Variants in USO1 observed in about 807,000 individuals in gnomAD.
USO1 encodes USO1 vesicle transport factor.
Under a neutral mutation model 124.5 loss-of-function variants are expected in USO1, and 57 were observed. That is an observed-to-expected ratio of 0.46 (90% CI 0.37 to 0.57). USO1 has a LOEUF of 0.57. Ranked by LOEUF, USO1 falls within the 20% of genes least tolerant of loss-of-function variation. The pLI is 0.00. For missense variants in USO1, 900 were observed against 1,040.6 expected, an observed-to-expected ratio of 0.86 and a Z score of 1.86; for synonymous variants, 369 against 362.8, an observed-to-expected ratio of 1.02 and a Z score of -0.19.
rs1199099605 is a variant in USO1 at position 75,804,189 on chromosome 4, A to G, written c.2042A>G (p.Glu681Gly). 4 of 1,613,666 alleles carry G rather than the reference A, an allele frequency of 2.5e-6. No homozygotes were observed. The highest frequency in any genetic ancestry group is 3.4e-6 in the Non-Finnish European group (4 of 1,179,746). ...QQVSTLKCQN[E>G]QLQTAVTQQV... ...GTTTCTACATTAAAATGTCAAAATG[A>G]ACAGCTCCAGACGGCAGTCACACAG... The change falls in exon 18 of 24, where the codon GAA becomes GGA. Residue 681 changes from glutamate to glycine, a missense_variant. Glu to Gly is a moderately conservative substitution (Grantham distance 98, BLOSUM62 -2). Around this residue, in one of 2 missense-constraint regions of USO1, gnomAD observed 362 missense variants for 359.0 expected, o/e 1.01. Transcript: ENST00000514213.
At position 75,795,171 on chromosome 4, in the gene USO1, C is replaced by G. The variant is rs543983481; in HGVS notation, c.1452+1270C>G. ...AATATATAGCCTCTAAATGTATCCT[C>G]TAACTTTTTATTGTATAAAAGAAGT... On this transcript the variant is annotated intron_variant, in intron 13 of 23. Coordinates refer to ENST00000514213, the MANE Select transcript of USO1 (RefSeq NM_003715.4). Among the ~76,000 whole-genome samples the G allele has an allele frequency of 2.2e-3, 332 of 152,288 alleles. 1 individual carries two copies. Among genetic ancestry groups the G allele is most frequent in the Middle Eastern group, 3.4e-3 (1 of 292 alleles).
chr4:75,807,853 C>G (rs918723233), intron 20 of USO1, among the ~76,000 whole-genome samples: 5 of 151,686 alleles, frequency 3.3e-5, no homozygotes, highest in African/African-American at 1.2e-4. Flanking sequence ...TTTACTTTCT[C>G]CAGTTTATTT....
chr4:75,763,419 T>G (rs1396849314), intron 4 of USO1, among the ~76,000 whole-genome samples: 2 of 152,304 alleles, frequency 1.3e-5, no homozygotes, highest in East Asian at 3.9e-4. Context: ...TAAAATATGA[T>G]TTCTGTTATA....
chr4:75,799,872 AGTT>A (rs1264436946), intron 14 of USO1, 140 bp downstream of exon 14: 5 of 970,640 alleles, frequency 5.2e-6, no homozygotes, highest in Admixed American at 3.0e-5. Context: ...AAACTGTTAA[AGTT>A]GTTATGATGC....
At chr4:75,765,961 G>A (rs956734781) in intron 4 of USO1, among the ~76,000 whole-genome samples, 1 of 152,026 alleles carries the variant, frequency 6.6e-6, no homozygotes, top group African/African-American at 2.4e-5. Context: ...TACTTTTGGT[G>A]TTTGTTTTTT....
At chr4:75,796,418 C>T (rs1722683240) in intron 13 of USO1, among the ~76,000 whole-genome samples, 1 of 146,932 alleles carries the variant, frequency 6.8e-6, no homozygotes, top group Admixed American at 7.3e-5. Flanking sequence ...TCACCGCAAC[C>T]TCTGCCTTCT....
At chr4:75,741,001 C>T (rs1720943833) in intron 1 of USO1, among the ~76,000 whole-genome samples, 1 of 152,124 alleles carries the variant, frequency 6.6e-6, no homozygotes. Context: ...CTTGGTAGCT[C>T]AGTGTCGGGG....
intron 13 of USO1, among the ~76,000 whole-genome samples, chr4:75,799,417 C>A (rs1042219945): frequency 6.6e-6 from 1 of 152,084 alleles, no homozygotes; most frequent in Non-Finnish European, 1.5e-5. Flanking sequence ...GTTCTAATTT[C>A]TGCACTCTGT....
At chr4:75,742,015 G>GT (rs1720977181) in intron 1 of USO1, among the ~76,000 whole-genome samples, 1 of 152,154 alleles carries the variant, frequency 6.6e-6, no homozygotes, top group Non-Finnish European at 1.5e-5. Context: ...TTCAGGGGCA[G>GT]TAACATGCAA....
rs764566531 is a variant in USO1 at position 75,724,846 on chromosome 4, G to A, written c.27G>A (p.Gly9=). The A allele has an allele frequency of 1.9e-6, 3 of 1,613,852 alleles. No individual in the cohort carries two copies. The highest frequency in any genetic ancestry group is 2.5e-6 in the Non-Finnish European group (3 of 1,179,786). The change falls in exon 1 of 24, where the codon GGG becomes GGA. Residue 9 remains glycine, a synonymous_variant. Coordinates refer to ENST00000514213, the MANE Select transcript of USO1 (RefSeq NM_003715.4). ...TGAATTTCCTCCGCGGGGTAATGGG[G>A]GGTCAGAGTGCCGGACCCCAGCACA... MNFLRGVM[G]GQSAGPQHTE...
intron 17 of USO1, among the ~76,000 whole-genome samples, chr4:75,803,457 G>A (rs1193932694): frequency 1.3e-5 from 2 of 151,948 alleles, no homozygotes; most frequent in Non-Finnish European, 2.9e-5. Flanking sequence ...AGACCAGCCT[G>A]GCCAACATGG....
Position 75,813,404 on chromosome 4 carries a change from A to G in USO1, c.*109A>G, listed in dbSNP as rs1029456532. ...AAGATTTAGAAACCAGGTGGAAAAC[A>G]TTCACTATTAAGACTATTGATATAT... is the stretch of plus-strand genomic sequence containing the variant. On this transcript the variant is annotated 3_prime_UTR_variant, in exon 24 of 24. Transcript: ENST00000514213. 2.5e-5 allele frequency: 31 copies of G among 1,223,264 alleles called. No individual in the cohort carries two copies. Among genetic ancestry groups the G allele is most frequent in the Non-Finnish European group, 3.3e-5 (30 of 922,374 alleles). 75.8% of individuals were successfully genotyped at this position (1,223,264 alleles called of 1,614,324 possible).
chr4:75,782,713 A>G lies in USO1; in HGVS notation c.710A>G (p.Gln237Arg). The G allele has an allele frequency of 6.4e-7, 1 of 1,572,542 alleles. No homozygotes were observed. Among genetic ancestry groups the G allele is most frequent in the Non-Finnish European group, 8.6e-7 (1 of 1,158,308 alleles). ...GTTGAAGATTGTTTGATTTTGCTCCAAAACTTATTAAAAAACAACAACTCC... is the reference window on the plus strand; with the variant it reads ...GTTGAAGATTGTTTGATTTTGCTCCGAAACTTATTAAAAAACAACAACTCC... ...IVVEDCLILLQNLLKNNNSNQ... is the reference protein window; with the variant it reads ...IVVEDCLILLRNLLKNNNSNQ... The change falls in exon 9 of 24, where the codon CAA becomes CGA. Residue 237 changes from glutamine (Q) to arginine (R), a missense_variant. Around this residue, in one of 2 missense-constraint regions of USO1, gnomAD observed 538 missense variants for 681.6 expected, o/e 0.79. Coordinates refer to ENST00000514213, the MANE Select transcript of USO1 (RefSeq NM_003715.4).
intron 4 of USO1, among the ~76,000 whole-genome samples, chr4:75,768,820 T>G (rs1054955350): frequency 2.6e-5 from 4 of 152,220 alleles, no homozygotes; most frequent in African/African-American, 9.6e-5. Context: ...CATTTATATG[T>G]TTACCACTCT....
chr4:75,797,861 C>T (rs537529814), intron 13 of USO1, among the ~76,000 whole-genome samples: 3 of 152,016 alleles, frequency 2.0e-5, no homozygotes, highest in Non-Finnish European at 2.9e-5. Flanking sequence ...AGGCTGGTCT[C>T]GAACTCTGGA....
chr4:75,804,419 T>C, intron 18 of USO1, 147 bp downstream of exon 18: 2 of 1,275,286 alleles, frequency 1.6e-6, no homozygotes, highest in South Asian at 1.9e-5. Flanking sequence ...TAAAGCAAAA[T>C]AGCATGATAG....
At chr4:75,803,081 C>T (rs1477171490) in intron 17 of USO1, among the ~76,000 whole-genome samples, 1 of 99,690 alleles carries the variant, frequency 1.0e-5, no homozygotes, top group Non-Finnish European at 2.1e-5. Context: ...GAGCGAAACT[C>T]TGTCTCAAAA....
intron 1 of USO1, among the ~76,000 whole-genome samples, chr4:75,733,961 T>TTTTTG (rs1720713584): frequency 1.2e-5 from 1 of 81,842 alleles, no homozygotes; most frequent in African/African-American, 4.1e-5. Context: ...TTTTTTTTTT[T>TTTTTG]GAGTAGGAGT....
intron 13 of USO1, among the ~76,000 whole-genome samples, chr4:75,796,875 ATT>A (rs11290866): frequency 0.11 from 13,977 of 131,584 alleles, 820 homozygotes; most frequent in Middle Eastern, 0.19. Context: ...TGAGTTACAG[ATT>A]TTTTTTTTTT....
Sources: allele counts gnomAD v4.1 joint callset (sites outside exome capture counted in the v4.1 genomes callset), GRCh38; gene constraint gnomAD v4.1.1; regional missense constraint gnomAD v4.1.1; transcripts MANE v1.5; gene names NCBI Gene and HGNC (gene_info 2026-07-23, HGNC 2026-07-21).